The following PUDP variants were observed in gnomAD, a reference collection of about 807,000 sequenced individuals.
PUDP encodes pseudouridine-5'-phosphatase.
A neutral mutation model predicts 9.4 loss-of-function variants in PUDP; 8 were observed. The observed-to-expected ratio is 0.85, with a 90% CI of 0.50 to 1.53. The LOEUF (loss-of-function observed/expected upper bound fraction) is 1.53, where lower values mean the gene tolerates loss of function less well. Ranked by LOEUF, PUDP falls within the 40% of genes most tolerant of loss-of-function variation. The pLI, the probability that PUDP is intolerant of heterozygous loss-of-function variation, is 0.00. For missense variants in PUDP, 188 were observed against 189.7 expected (o/e 0.99, Z 0.05); for synonymous variants, 99 against 80.7 (o/e 1.23, Z -1.22).
chrX:6,898,109 C>A (rs1214477723), intron 3 of PUDP, among the ~76,000 whole-genome samples: 1 of 111,893 alleles, frequency 8.9e-6, no homozygotes, highest in African/African-American at 3.2e-5. Context: ...GCTGTCACAG[C>A]CACCTGCAGT....
chrX:6,930,553 C>T (rs769216012), intron 3 of PUDP, among the ~76,000 whole-genome samples: 2 of 111,495 alleles, frequency 1.8e-5, no homozygotes, highest in South Asian at 7.7e-4. Context: ...TGGGAAAACC[C>T]CACCCCCTTC....
intron 3 of PUDP, among the ~76,000 whole-genome samples, chrX:6,792,232 G>T (rs1925760596): frequency 9.1e-6 from 1 of 110,306 alleles, no homozygotes; most frequent in Non-Finnish European, 1.9e-5. Context: ...CACATGGTTG[G>T]AGTTACAGCA....
At chrX:6,804,832 C>T (rs1013715775) in intron 3 of PUDP, among the ~76,000 whole-genome samples, 2 of 111,847 alleles carry the variant, frequency 1.8e-5, no homozygotes, top group African/African-American at 6.5e-5. Flanking sequence ...TTTCTGTCCT[C>T]CCAGTTCAGA....
chrX:7,011,142 CTT>C (rs1271656534), intron 1 of PUDP, among the ~76,000 whole-genome samples: 1 of 112,090 alleles, frequency 8.9e-6, no homozygotes, highest in Non-Finnish European at 1.9e-5. Flanking sequence ...ATTTCTCCCT[CTT>C]GTTTGTAAGA....
chrX:7,012,429 C>T (rs1929490048), intron 1 of PUDP, among the ~76,000 whole-genome samples: 1 of 112,063 alleles, frequency 8.9e-6, no homozygotes, highest in Non-Finnish European at 1.9e-5. Flanking sequence ...ACAGAGATCC[C>T]CTTGGCTCCA....
intron 1 of PUDP, among the ~76,000 whole-genome samples, chrX:7,001,022 G>T (rs1394274094): frequency 9.2e-6 from 1 of 109,096 alleles, no homozygotes; most frequent in Non-Finnish European, 1.9e-5. Context: ...ATCATTGCTT[G>T]CTTATTCATT....
intron 3 of PUDP, among the ~76,000 whole-genome samples, chrX:6,831,384 G>A (rs1408648000): frequency 8.9e-6 from 1 of 112,023 alleles, no homozygotes; most frequent in African/African-American, 3.2e-5. Flanking sequence ...TTTGTCTTAG[G>A]CAAAAGCTGT....
chrX:6,803,048 T>A (rs1367804334), intron 3 of PUDP, among the ~76,000 whole-genome samples: 1 of 7,080 alleles, frequency 1.4e-4, no homozygotes, highest in Non-Finnish European at 2.4e-4. Flanking sequence ...TAAAATAAAA[T>A]ATAAAATAAA....
Position 7,061,752 on chromosome X carries a change from A to C in PUDP, c.511-11280T>G, listed in dbSNP as rs73457714. 3.3e-3 allele frequency among the ~76,000 whole-genome samples: 372 copies of C among 111,838 alleles called. 2 individuals carry two copies. The highest frequency in any genetic ancestry group is 0.012 in the African/African-American group (360 of 30,782). On this transcript the variant is annotated intron_variant, in intron 3 of 3. Coordinates refer to ENST00000381077, the MANE Select transcript of PUDP (RefSeq NM_012080.5). The stretch of plus-strand genomic sequence containing the variant: ...AAATGAATCTCTGACAAATAACACT[A>C]TTCCAGGTAGCAGTCTTTAAATATG...
At chrX:6,890,318 T>C (rs1456242392) in intron 3 of PUDP, among the ~76,000 whole-genome samples, 1 of 112,041 alleles carries the variant, frequency 8.9e-6, no homozygotes, top group Non-Finnish European at 1.9e-5. Flanking sequence ...CCCATCACCT[T>C]AAGTAACCTA....
At chrX:7,057,107 C>T (rs1227176919) in intron 3 of PUDP, among the ~76,000 whole-genome samples, 5 of 112,402 alleles carry the variant, frequency 4.4e-5, no homozygotes, top group Non-Finnish European at 9.4e-5. Context: ...CAGCAGCGAC[C>T]TGGGGATGGT....
intron 3 of PUDP, among the ~76,000 whole-genome samples, chrX:6,783,755 A>C (rs963980522): frequency 5.4e-5 from 6 of 111,856 alleles, no homozygotes; most frequent in African/African-American, 1.9e-4. Context: ...AGAGATATAT[A>C]AGAAGAGATT....
intron 3 of PUDP, among the ~76,000 whole-genome samples, chrX:6,901,584 T>C (rs1402209655): frequency 2.7e-5 from 3 of 112,359 alleles, no homozygotes; most frequent in African/African-American, 9.7e-5. Context: ...GCTGAATCTG[T>C]TGAATAATGC....
intron 1 of PUDP, among the ~76,000 whole-genome samples, chrX:7,118,844 C>T (rs1932264374): frequency 8.9e-6 from 1 of 111,932 alleles, no homozygotes; most frequent in South Asian, 3.7e-4. Flanking sequence ...TTTAATTAAA[C>T]AAATGTTGAC....
At chrX:6,714,971 A>ATG (rs1332066014) in intron 1 of PUDP, among the ~76,000 whole-genome samples, 2 of 100,659 alleles carry the variant, frequency 2.0e-5, no homozygotes, top group African/African-American at 8.4e-5. Flanking sequence ...ATGTGTGTGT[A>ATG]TGTGTGTGTG....
chrX:7,133,598 G>A (rs1467948225), intron 1 of PUDP, among the ~76,000 whole-genome samples: 2 of 111,942 alleles, frequency 1.8e-5, no homozygotes, highest in East Asian at 5.6e-4. Flanking sequence ...CAAAAAGCCA[G>A]CTCATAGCGA....
At chrX:6,938,003 GGA>G (rs1416870975) in intron 3 of PUDP, among the ~76,000 whole-genome samples, 1 of 60,893 alleles carries the variant, frequency 1.6e-5, no homozygotes, top group Non-Finnish European at 2.9e-5. Context: ...GAGAGGATGT[GGA>G]GAAATAGGAA....
intron 3 of PUDP, among the ~76,000 whole-genome samples, chrX:6,745,899 C>G (rs1425665554): frequency 9.0e-6 from 1 of 111,542 alleles, no homozygotes; most frequent in African/African-American, 3.3e-5. Context: ...CTGCTCTGGC[C>G]TCCTAAAGTG....
intron 2 of PUDP, among the ~76,000 whole-genome samples, chrX:7,100,007 C>T (rs754672263): frequency 5.9e-5 from 6 of 102,395 alleles, no homozygotes; most frequent in Non-Finnish European, 1.2e-4. Context: ...GACACCCATC[C>T]GTCCCCCACC....
Sources: allele counts gnomAD v4.1 joint callset (sites outside exome capture counted in the v4.1 genomes callset), GRCh38; gene constraint gnomAD v4.1.1; transcripts MANE v1.5; gene names NCBI Gene and HGNC (gene_info 2026-07-23, HGNC 2026-07-21).